Variants in PIP4K2A observed in about 807,000 individuals in gnomAD.
The protein encoded by PIP4K2A is phosphatidylinositol 5-phosphate 4-kinase type-2 alpha.
A neutral mutation model predicts 42.9 loss-of-function variants in PIP4K2A; 14 were observed. The ratio of observed to expected loss-of-function variants is 0.33; its 90% CI spans 0.22 to 0.51. The LOEUF is 0.51. Among genes scored for constraint, PIP4K2A ranks in the 20% least tolerant of loss-of-function variants. PIP4K2A has a pLI of 0.97. For missense variants in PIP4K2A, 434 were observed against 519.8 expected (o/e 0.83, Z 1.61); for synonymous variants, 192 against 192.2 (o/e 1.00, Z 0.01).
intron 4 of PIP4K2A, among the ~76,000 whole-genome samples, chr10:22,576,764 CT>C (rs1488731592): frequency 6.6e-6 from 1 of 152,150 alleles, no homozygotes; most frequent in Non-Finnish European, 1.5e-5. Context: ...TCAAAACCCC[CT>C]CATCACTCTC....
intron 1 of PIP4K2A, among the ~76,000 whole-genome samples, chr10:22,710,693 CCCT>C (rs1213174966): frequency 6.6e-6 from 1 of 152,170 alleles, no homozygotes; most frequent in African/African-American, 2.4e-5. Context: ...CCCCCCAAAC[CCCT>C]CAATACCTGA....
At chr10:22,625,072 G>C (rs1838408633) in intron 1 of PIP4K2A, among the ~76,000 whole-genome samples, 1 of 152,156 alleles carries the variant, frequency 6.6e-6, no homozygotes, top group Admixed American at 6.5e-5. Context: ...TTGTATAACT[G>C]GCGAGATGTG....
intron 1 of PIP4K2A, among the ~76,000 whole-genome samples, chr10:22,619,597 T>G (rs1838269916): frequency 6.6e-6 from 1 of 151,946 alleles, no homozygotes; most frequent in Admixed American, 6.5e-5. Flanking sequence ...CCACCACGTG[T>G]GGCTAGTTTT....
chr10:22,613,047 T>C (rs894072032), intron 1 of PIP4K2A, among the ~76,000 whole-genome samples: 3 of 151,988 alleles, frequency 2.0e-5, no homozygotes, highest in Non-Finnish European at 4.4e-5. Flanking sequence ...AAAACTGCCA[T>C]CGAGGCAGGA....
chr10:22,664,104 CAT>C (rs368261224), intron 1 of PIP4K2A, among the ~76,000 whole-genome samples: 976 of 50,318 alleles, frequency 0.019, 23 homozygotes, highest in Middle Eastern at 0.05. Context: ...TATATATATA[CAT>C]ATATATATAC....
intron 1 of PIP4K2A, among the ~76,000 whole-genome samples, chr10:22,614,804 A>G (rs1206049229): frequency 6.6e-6 from 1 of 151,972 alleles, no homozygotes; most frequent in Non-Finnish European, 1.5e-5. Flanking sequence ...TTAGCCTGTT[A>G]CTTTGCTCTT....
At chr10:22,586,201 G>C (rs1647855362) in intron 4 of PIP4K2A, among the ~76,000 whole-genome samples, 2 of 152,200 alleles carry the variant, frequency 1.3e-5, no homozygotes, top group African/African-American at 4.8e-5. Flanking sequence ...CAAAATTTAT[G>C]AAAGTTTGCT....
intron 2 of PIP4K2A, among the ~76,000 whole-genome samples, chr10:22,609,322 A>C (rs1837980178): frequency 6.6e-6 from 1 of 152,246 alleles, no homozygotes; most frequent in South Asian, 2.1e-4. Context: ...GCAGAGGTTC[A>C]TAACTGCTCA....
chr10:22,539,303 G>A (rs560458067), intron 9 of PIP4K2A, among the ~76,000 whole-genome samples: 9 of 152,196 alleles, frequency 5.9e-5, no homozygotes, highest in Admixed American at 3.9e-4. Flanking sequence ...ACAAAAGCAG[G>A]TACACTACTA....
chr10:22,557,048 T>G (rs1836571185), intron 6 of PIP4K2A, among the ~76,000 whole-genome samples: 1 of 152,150 alleles, frequency 6.6e-6, no homozygotes, highest in Admixed American at 6.5e-5. Flanking sequence ...CGTAAGGCTT[T>G]CAGTGTATAA....
chr10:22,654,318 A>G (rs920953596), intron 1 of PIP4K2A, among the ~76,000 whole-genome samples: 1 of 152,184 alleles, frequency 6.6e-6, no homozygotes, highest in Non-Finnish European at 1.5e-5. Flanking sequence ...AGAAATATCC[A>G]CTATTAAGGA....
intron 1 of PIP4K2A, among the ~76,000 whole-genome samples, chr10:22,656,212 C>G (rs1839097257): frequency 6.6e-6 from 1 of 152,220 alleles, no homozygotes; most frequent in South Asian, 2.1e-4. Context: ...GCTGTTCCCG[C>G]TCCTCCACAT....
At chr10:22,699,657 C>A (rs567044263) in intron 1 of PIP4K2A, among the ~76,000 whole-genome samples, 1 of 152,246 alleles carries the variant, frequency 6.6e-6, no homozygotes, top group East Asian at 1.9e-4. Context: ...CACATCTATA[C>A]CTGGTTATCC....
chr10:22,622,184 A>G (rs375090508), intron 1 of PIP4K2A, among the ~76,000 whole-genome samples: 2 of 152,362 alleles, frequency 1.3e-5, no homozygotes, highest in African/African-American at 4.8e-5. Context: ...GAAAAGTAGT[A>G]GAGGATTGTT....
chr10:22,562,262 G>A (rs1260074100), intron 6 of PIP4K2A, among the ~76,000 whole-genome samples: 3 of 152,230 alleles, frequency 2.0e-5, no homozygotes, highest in African/African-American at 7.2e-5. Context: ...TTAAGAGTTC[G>A]GCTTGGCCGG....
At chr10:22,653,308 G>C (rs1839030672) in intron 1 of PIP4K2A, among the ~76,000 whole-genome samples, 1 of 152,148 alleles carries the variant, frequency 6.6e-6, no homozygotes, top group Admixed American at 6.5e-5. Context: ...GTGCATGACA[G>C]CCAAGCCAGG....
At chr10:22,613,041 C>G (rs1054435875) in intron 1 of PIP4K2A, among the ~76,000 whole-genome samples, 4 of 152,122 alleles carry the variant, frequency 2.6e-5, no homozygotes, top group African/African-American at 9.7e-5. Context: ...AAGGGGAAAA[C>G]TGCCATCGAG....
intron 4 of PIP4K2A, among the ~76,000 whole-genome samples, chr10:22,589,494 G>A (rs1837464930): frequency 6.6e-6 from 1 of 152,148 alleles, no homozygotes; most frequent in Non-Finnish European, 1.5e-5. Context: ...TGAATTTAGA[G>A]GCTAATGATT....
In PIP4K2A at chr10:22,701,978, G is replaced by A. The variant is rs142765735; in HGVS notation, c.144+12205C>T. Among the ~76,000 whole-genome samples the A allele has an allele frequency of 5.6e-3, 851 of 152,296 alleles. 8 individuals carry two copies. The highest frequency in any genetic ancestry group is 0.02 in the African/African-American group (812 of 41,548). ...ATGGGTCTACCAAAAATAAAACCATGCCACCCCAGGGACTGCAGCCCAATT... is the reference window on the plus strand; with the variant it reads ...ATGGGTCTACCAAAAATAAAACCATACCACCCCAGGGACTGCAGCCCAATT... On this transcript the variant is annotated intron_variant, in intron 1 of 9. Coordinates refer to ENST00000376573, the MANE Select transcript of PIP4K2A (RefSeq NM_005028.5).
Sources: gnomAD v4.1 joint callset for allele counts (sites outside exome capture counted in the v4.1 genomes callset) on GRCh38, gnomAD v4.1.1 for gene constraint, MANE v1.5 for transcripts, NCBI Gene and HGNC (gene_info 2026-07-23, HGNC 2026-07-21) for gene names.